Variants in KLHL1 observed in about 807,000 individuals in gnomAD.
The protein encoded by KLHL1 is kelch like family member 1.
In KLHL1, 47 loss-of-function variants were observed where a neutral mutation model predicts 77.7. That is an observed-to-expected ratio of 0.60 (90% CI 0.48 to 0.77). The LOEUF is 0.77. Among genes scored for constraint, KLHL1 ranks in the 30% least tolerant of loss-of-function variants. KLHL1 has a pLI of 0.00. For missense variants in KLHL1, 925 were observed against 910.8 expected (o/e 1.02, Z -0.20); for synonymous variants, 360 against 325.2 (o/e 1.11, Z -1.15).
intron 4 of KLHL1, among the ~76,000 whole-genome samples, chr13:69,900,582 C>T (rs1213835432): frequency 1.3e-5 from 2 of 152,156 alleles, no homozygotes; most frequent in Non-Finnish European, 2.9e-5. Flanking sequence ...GGAAAGGGCA[C>T]TTTTGCTGGT....
intron 9 of KLHL1, among the ~76,000 whole-genome samples, chr13:69,709,824 T>C (rs942696653): frequency 1.3e-5 from 2 of 151,814 alleles, no homozygotes; most frequent in East Asian, 3.9e-4. Flanking sequence ...AGCAGGGTAA[T>C]GATTATAGGG....
chr13:69,702,324 CTGAG>C (rs1566348825), intron 10 of KLHL1, among the ~76,000 whole-genome samples: 1 of 151,518 alleles, frequency 6.6e-6, no homozygotes, highest in Non-Finnish European at 1.5e-5. Flanking sequence ...GAAATGAGAA[CTGAG>C]TATTTTTTAA....
At chr13:69,827,997 T>C (rs1878615488) in intron 6 of KLHL1, among the ~76,000 whole-genome samples, 1 of 150,278 alleles carries the variant, frequency 6.7e-6, no homozygotes, top group African/African-American at 2.5e-5. Context: ...GTATTTGTAA[T>C]ATATGTCATT....
chr13:69,890,901 A>G (rs1401656813), intron 4 of KLHL1, among the ~76,000 whole-genome samples: 1 of 152,076 alleles, frequency 6.6e-6, no homozygotes, highest in East Asian at 1.9e-4. Context: ...AATCTTATAT[A>G]TACAAACATA....
intron 1 of KLHL1, among the ~76,000 whole-genome samples, chr13:69,991,711 G>C (rs181355089): frequency 6.6e-6 from 1 of 151,500 alleles, no homozygotes; most frequent in East Asian, 1.9e-4. Flanking sequence ...TGGATTCACA[G>C]TCAAATTCTA....
chr13:69,805,869 G>A (rs1463514892), intron 6 of KLHL1, among the ~76,000 whole-genome samples: 2 of 151,380 alleles, frequency 1.3e-5, no homozygotes, highest in Non-Finnish European at 3.0e-5. Context: ...AAATTATACT[G>A]GCATTTCTTT....
chr13:69,903,321 G>A (rs1401504533), intron 4 of KLHL1, among the ~76,000 whole-genome samples: 1 of 152,032 alleles, frequency 6.6e-6, no homozygotes, highest in Non-Finnish European at 1.5e-5. Flanking sequence ...TTTCTGGTTC[G>A]AGGCTTGGAA....
At chr13:69,880,423 T>A (rs1593913270) in intron 5 of KLHL1, among the ~76,000 whole-genome samples, 1 of 152,096 alleles carries the variant, frequency 6.6e-6, no homozygotes, top group Non-Finnish European at 1.5e-5. Flanking sequence ...TAGCCCCAGT[T>A]TGAAGGATGA....
intron 7 of KLHL1, among the ~76,000 whole-genome samples, chr13:69,794,054 T>C (rs1056026540): frequency 6.6e-6 from 1 of 152,120 alleles, no homozygotes; most frequent in Non-Finnish European, 1.5e-5. Flanking sequence ...GAATTTTGAA[T>C]AGCAGAAGCA....
intron 1 of KLHL1, among the ~76,000 whole-genome samples, chr13:70,019,907 T>G (rs1431420830): frequency 6.6e-6 from 1 of 151,978 alleles, no homozygotes. Context: ...TCCTCATGAA[T>G]AATTAATCCT....
intron 7 of KLHL1, among the ~76,000 whole-genome samples, chr13:69,788,915 A>C (rs1490427669): frequency 7.2e-5 from 11 of 152,136 alleles, no homozygotes; most frequent in Admixed American, 7.2e-4. Flanking sequence ...TGATATTACA[A>C]TGGCTATTAC....
intron 4 of KLHL1, among the ~76,000 whole-genome samples, chr13:69,925,071 A>C (rs964244837): frequency 2.0e-5 from 3 of 152,202 alleles, no homozygotes; most frequent in Admixed American, 6.5e-5. Context: ...AGCTGGGGAC[A>C]GCCTCACAGG....
chr13:69,871,329 T>C (rs1249458256), intron 5 of KLHL1, among the ~76,000 whole-genome samples: 2 of 152,178 alleles, frequency 1.3e-5, no homozygotes, highest in African/African-American at 4.8e-5. Context: ...TCTAGGCCTC[T>C]TGGCCTGTGA....
intron 1 of KLHL1, among the ~76,000 whole-genome samples, chr13:70,077,401 GA>G (rs1887290499): frequency 1.3e-5 from 2 of 151,818 alleles, no homozygotes. Context: ...AGCCATTCTG[GA>G]AAAGGCCAAA....
rs1319849952 is a variant in KLHL1 at position 70,086,588 on chromosome 13, AAAAAAGAAAGAAAGAAAG to A, written c.497+20597_497+20614del. ...GCTCTGTCTCAAAAAAAAAAAAAAAAAAAAAGAAAGAAAGAAAGAAAGAAAGAAAGAAAGAAAGAAAGA... is the reference window on the plus strand; with the variant it reads ...GCTCTGTCTCAAAAAAAAAAAAAAAAAAAGAAAGAAAGAAAGAAAGAAAGA... On this transcript the variant is annotated intron_variant, in intron 1 of 10. Coordinates refer to ENST00000377844, the MANE Select transcript of KLHL1 (RefSeq NM_020866.3). 2.9e-3 allele frequency among the ~76,000 whole-genome samples: 251 copies of A among 85,894 alleles called. 6 individuals are homozygous for A. Among genetic ancestry groups the A allele is most frequent in the African/African-American group, 0.011 (229 of 20,414 alleles). The allele number at this position is 85,894 out of a possible 152,430, so 56.3% of individuals were successfully genotyped here. A position where few individuals can be genotyped will look rare whatever the true frequency, so the allele number is the denominator to read the frequency against.
chr13:69,829,609 A>G (rs1353277298), intron 6 of KLHL1, among the ~76,000 whole-genome samples: 1 of 150,202 alleles, frequency 6.7e-6, no homozygotes, highest in African/African-American at 2.5e-5. Context: ...AATTTCCAGA[A>G]AAAGAATTCA....
intron 1 of KLHL1, among the ~76,000 whole-genome samples, chr13:70,105,122 C>T (rs138396045): frequency 1.2e-3 from 190 of 152,052 alleles, no homozygotes; most frequent in African/African-American, 4.2e-3. Flanking sequence ...TTACACATGC[C>T]TAATCTCATA....
chr13:69,880,479 G>C (rs1303350390), intron 5 of KLHL1, among the ~76,000 whole-genome samples: 4 of 152,048 alleles, frequency 2.6e-5, no homozygotes, highest in Admixed American at 2.0e-4. Flanking sequence ...ATCGCACACT[G>C]TTTAAAATTT....
chr13:69,836,782 A>T (rs1291443106), intron 6 of KLHL1, among the ~76,000 whole-genome samples: 1 of 152,028 alleles, frequency 6.6e-6, no homozygotes, highest in East Asian at 1.9e-4. Context: ...ACGTAATTTC[A>T]TTTAAAATAA....
Sources: gnomAD v4.1 joint callset for allele counts (sites outside exome capture counted in the v4.1 genomes callset) on GRCh38, gnomAD v4.1.1 for gene constraint, MANE v1.5 for transcripts, NCBI Gene and HGNC (gene_info 2026-07-23, HGNC 2026-07-21) for gene names.